WWOX: variants seen among roughly 807,000 people sequenced by gnomAD.
WWOX encodes the protein WW domain containing oxidoreductase.
WWOX carries 69 observed loss-of-function variants against 46.2 expected under a neutral mutation model. The ratio of observed to expected loss-of-function variants is 1.49; its 90% confidence interval spans 1.23 to 1.82. WWOX has a LOEUF of 1.82. Ranked by LOEUF, WWOX falls within the 40% of genes most tolerant of loss-of-function variation. The probability of loss-of-function intolerance (pLI) is 0.00; values close to 1 mark genes in which losing one functional copy is unlikely to be tolerated. For synonymous variants in WWOX, 359 were observed against 202.6 expected (o/e 1.77, Z -6.56); for missense variants, 919 against 542.6 (o/e 1.69, Z -6.89).
intron 8 of WWOX, among the ~76,000 whole-genome samples, chr16:79,065,339 C>G (rs1056872637): frequency 5.9e-5 from 9 of 152,138 alleles, no homozygotes; most frequent in African/African-American, 1.9e-4. Flanking sequence ...CCAAATCAGC[C>G]TCCCCGAAAA....
chr16:78,929,646 G>A (rs2045575948), intron 8 of WWOX, among the ~76,000 whole-genome samples: 1 of 152,176 alleles, frequency 6.6e-6, no homozygotes, highest in Non-Finnish European at 1.5e-5. Flanking sequence ...CTGGGGTTGG[G>A]ATGGCGACTA....
intron 8 of WWOX, among the ~76,000 whole-genome samples, chr16:78,652,126 T>C (rs774188558): frequency 2.0e-5 from 3 of 151,220 alleles, no homozygotes; most frequent in Non-Finnish European, 4.4e-5. Context: ...TAAAAGATGT[T>C]TGGGGCTGGG....
chr16:79,071,723 G>T (rs557576440), intron 8 of WWOX, among the ~76,000 whole-genome samples: 1 of 152,332 alleles, frequency 6.6e-6, no homozygotes, highest in Admixed American at 6.5e-5. Context: ...TTTTAAGTTG[G>T]TCCCTTGATT....
At chr16:78,487,388 C>G (rs1157914656) in intron 8 of WWOX, among the ~76,000 whole-genome samples, 1 of 152,142 alleles carries the variant, frequency 6.6e-6, no homozygotes, top group East Asian at 1.9e-4. Context: ...TCTACTAATA[C>G]AAACTAATGA....
intron 6 of WWOX, among the ~76,000 whole-genome samples, chr16:78,405,838 C>G (rs543374307): frequency 1.3e-5 from 2 of 152,286 alleles, no homozygotes; most frequent in African/African-American, 2.4e-5. Flanking sequence ...GGTTTATTCA[C>G]TTTCCTGAGG....
chr16:78,848,240 T>G (rs954482448), intron 8 of WWOX, among the ~76,000 whole-genome samples: 1 of 152,176 alleles, frequency 6.6e-6, no homozygotes, highest in Non-Finnish European at 1.5e-5. Context: ...AAGAGTAACT[T>G]TGTACACCGT....
At chr16:78,317,768 G>T (rs2080385361) in intron 5 of WWOX, among the ~76,000 whole-genome samples, 1 of 152,126 alleles carries the variant, frequency 6.6e-6, no homozygotes, top group Admixed American at 6.6e-5. Context: ...ATTTATTAGA[G>T]CATTTTATTC....
chr16:78,596,475 G>A (rs770759384), intron 8 of WWOX, among the ~76,000 whole-genome samples: 15 of 152,138 alleles, frequency 9.9e-5, no homozygotes, highest in Admixed American at 7.2e-4. Flanking sequence ...GCCCCAGCAG[G>A]GCGTATCAGG....
intron 8 of WWOX, among the ~76,000 whole-genome samples, chr16:78,497,849 C>T (rs1281834622): frequency 1.2e-5 from 1 of 84,644 alleles, no homozygotes; most frequent in Non-Finnish European, 3.0e-5. Flanking sequence ...ACCGGAGTTA[C>T]TGAGAATTAT....
intron 8 of WWOX, among the ~76,000 whole-genome samples, chr16:79,070,412 G>T (rs1185938061): frequency 6.6e-6 from 1 of 152,100 alleles, no homozygotes. Flanking sequence ...GCTGTCTTTG[G>T]AAATGACGTA....
In WWOX at chr16:78,397,125, A is replaced by G. The variant is rs188611684; in HGVS notation, c.605+10177A>G. Among the ~76,000 whole-genome samples, 825 of 152,284 alleles carry G rather than the reference A, an allele frequency of 5.4e-3. 7 individuals carry two copies. Among genetic ancestry groups the G allele is most frequent in the Non-Finnish European group, 4.5e-3 (308 of 68,034 alleles). On this transcript the variant is annotated intron_variant, in intron 6 of 8. Coordinates refer to ENST00000566780, the MANE Select transcript of WWOX (RefSeq NM_016373.4). Reference sequence around the variant, plus strand: ...AATTCTTTGAAGAAACTCCCCCATGATATTTCACGGCTGAGAGAAGAGGAA... The same window carrying G: ...AATTCTTTGAAGAAACTCCCCCATGGTATTTCACGGCTGAGAGAAGAGGAA...
chr16:78,952,313 G>C (rs774674426), intron 8 of WWOX, among the ~76,000 whole-genome samples: 1 of 151,464 alleles, frequency 6.6e-6, no homozygotes, highest in African/African-American at 2.4e-5. Context: ...AGTTTTCATA[G>C]TTCTGTGCAT....
At chr16:79,120,734 T>C (rs1024238105) in intron 8 of WWOX, among the ~76,000 whole-genome samples, 1 of 152,132 alleles carries the variant, frequency 6.6e-6, no homozygotes, top group African/African-American at 2.4e-5. Context: ...GGACTTCCCT[T>C]CTGTCTGTCT....
At chr16:78,158,759 T>C (rs7185728) in intron 4 of WWOX, among the ~76,000 whole-genome samples, 67,876 of 151,904 alleles carry the variant, frequency 0.45, 15,158 homozygotes, top group East Asian at 0.51. Flanking sequence ...CAAAAAGCCT[T>C]ACGTATTTGA....
chr16:78,816,502 C>CTTTTTTTTTTTTTTTT (rs55814418), intron 8 of WWOX, among the ~76,000 whole-genome samples: 2 of 42,066 alleles, frequency 4.8e-5, no homozygotes, highest in Non-Finnish European at 8.4e-5. Context: ...AGGAGCCACT[C>CTTTTTTTTTTTTTTTT]TTTTTTTTTT....
chr16:79,211,805 C>G lies in WWOX; in HGVS notation c.*9C>G. 6.2e-7 allele frequency: 1 copy of G among 1,614,068 alleles called. No individual in the cohort carries two copies. Among genetic ancestry groups the G allele is most frequent in the Non-Finnish European group, 8.5e-7 (1 of 1,180,000 alleles). ...GCAGCCAGTCCGGCTAAGTGGAGCT[C>G]AGAGCGGATGGGCACACACACCCGC... is the stretch of plus-strand genomic sequence containing the variant. On this transcript the variant is annotated 3_prime_UTR_variant, in exon 9 of 9. Coordinates refer to ENST00000566780, the MANE Select transcript of WWOX (RefSeq NM_016373.4).
intron 2 of WWOX, 127 bp downstream of exon 2, chr16:78,108,614 C>T: frequency 1.0e-6 from 1 of 970,300 alleles, no homozygotes; most frequent in Non-Finnish European, 1.6e-6. Context: ...CAGACTCCCA[C>T]TCTGAGGAGC....
chr16:78,869,296 A>C (rs1345268333), intron 8 of WWOX, among the ~76,000 whole-genome samples: 2 of 152,154 alleles, frequency 1.3e-5, no homozygotes, highest in African/African-American at 4.8e-5. Context: ...GGGATCAAGG[A>C]AAGTCCGAGA....
intron 7 of WWOX, 92 bp downstream of exon 7, chr16:78,425,147 A>T (rs1399963222): frequency 1.9e-6 from 3 of 1,550,966 alleles, no homozygotes; most frequent in East Asian, 4.5e-5. Flanking sequence ...AATTTTCATT[A>T]GTCCTGCTTG....
Sources: gnomAD v4.1 joint callset for allele counts (sites outside exome capture counted in the v4.1 genomes callset) on GRCh38, gnomAD v4.1.1 for gene constraint, MANE v1.5 for transcripts, NCBI Gene and HGNC (gene_info 2026-07-23, HGNC 2026-07-21) for gene names.